KMT2D: variants seen among roughly 807,000 people sequenced by gnomAD.
KMT2D encodes the protein histone-lysine N-methyltransferase 2D.
In KMT2D, 55 loss-of-function variants were observed where a neutral mutation model predicts 512.7. The observed-to-expected ratio is 0.11, with a 90% CI of 0.09 to 0.13. KMT2D has a LOEUF of 0.13. Among genes scored for constraint, KMT2D ranks in the 10% least tolerant of loss-of-function variants. The pLI is 1.00. For missense variants in KMT2D, 6,061 were observed against 7,127.9 expected (o/e 0.85, Z 5.39); for synonymous variants, 2,995 against 2,904.0 (o/e 1.03, Z -1.01).
rs1942231079 is a variant in KMT2D, at chr12:49,020,037, C to G, written c.*1743G>C. 4.9e-6 allele frequency: 1 copy of G among 203,648 alleles called. No individual in the cohort carries two copies. The highest frequency in any genetic ancestry group is 1.0e-5 in the Non-Finnish European group (1 of 98,872). The allele number at this position is 203,648 out of a possible 1,614,324, so 12.6% of individuals were successfully genotyped here. A position where few individuals can be genotyped will look rare whatever the true frequency, so the allele number is the denominator to read the frequency against. Reference sequence around the variant, plus strand: ...CATATAAGCTTCATCTTCATCCCCACGGTTCCCTACCAGAGAGGGGTTTGG... The same window carrying G: ...CATATAAGCTTCATCTTCATCCCCAGGGTTCCCTACCAGAGAGGGGTTTGG... On this transcript the variant is annotated 3_prime_UTR_variant, in exon 55 of 55. Transcript: ENST00000301067.
intron 46 of KMT2D, 108 bp downstream of exon 46, chr12:49,028,719 GT>G: frequency 7.2e-7 from 1 of 1,385,040 alleles, no homozygotes; most frequent in Non-Finnish European, 9.9e-7. Context: ...CATACAATAG[GT>G]ACTCAGTACA....
rs183914528 is a variant in KMT2D, at chr12:49,023,011, G to A, written c.16053-136C>T. On this transcript the variant is annotated intron_variant, in intron 51 of 54. Transcript: ENST00000301067. ...GCTGCTGGCAAGCACTGGAAGTGCAGCCTTGGGAAAGGAGTAGAGGCAACT... is the reference window on the plus strand; with the variant it reads ...GCTGCTGGCAAGCACTGGAAGTGCAACCTTGGGAAAGGAGTAGAGGCAACT... 1,637 of 989,074 alleles carry A rather than the reference G, an allele frequency of 1.7e-3. 27 individuals carry two copies. The South Asian group carries it at 0.023, about 14-fold the overall frequency. The allele number at this position is 989,074 out of a possible 1,614,324, so 61.3% of individuals were successfully genotyped here.
At position 49,050,727 on chromosome 12, in the gene KMT2D, A is replaced by C. The variant is rs1047759100; in HGVS notation, c.2861T>G (p.Leu954Trp). 7 of 1,613,346 alleles carry C rather than the reference A, an allele frequency of 4.3e-6. No homozygotes were observed. Among genetic ancestry groups the C allele is most frequent in the Non-Finnish European group, 5.1e-6 (6 of 1,179,656 alleles). Residue 954 changes from leucine (L) to tryptophan (W), a missense_variant, in exon 12 of 55, where the codon TTG becomes TGG. Transcript: ENST00000301067. ...TAAAPPALSP[L>W]GELEYPFGAK... Reference sequence around the variant, plus strand: ...ACCAAAGGGGTACTCTAACTCCCCCAAAGGAGACAGGGCCGGTGGGGCCGC... The same window carrying C: ...ACCAAAGGGGTACTCTAACTCCCCCCAAGGAGACAGGGCCGGTGGGGCCGC...
intron 1 of KMT2D, among the ~76,000 whole-genome samples, chr12:49,058,817 CAA>C (rs1406962932): frequency 1.3e-5 from 2 of 152,152 alleles, no homozygotes; most frequent in African/African-American, 4.8e-5. Context: ...CGGGAGAAGG[CAA>C]AAGACAAAAG....
At position 49,032,088 on chromosome 12, in the gene KMT2D, G is replaced by A. The variant is rs1430951003; in HGVS notation, c.12617C>T (p.Ala4206Val). 1.2e-6 allele frequency: 2 copies of A among 1,613,808 alleles called. No individual in the cohort carries two copies. ...TAAGTGCCGCAGCTGTGGGTTTTTG[G>A]CCAGGACTCCTTGGAGCTGTGCTCG... ...QLRAQLQGVL[A>V]KNPQLRHLSP... The change falls in exon 40 of 55, where the codon GCC (alanine) becomes GTC (valine). Residue 4206 changes from alanine to valine, a missense_variant. Around this residue, in one of 16 missense-constraint regions of KMT2D, gnomAD observed 1,600 missense variants for 1,754.9 expected, o/e 0.91. Transcript: ENST00000301067.
At position 49,059,976 on chromosome 12, in the gene KMT2D, C is replaced by G. The variant is rs971821752; in HGVS notation, c.-401G>C. Among the ~76,000 whole-genome samples, 1 of 151,760 alleles carries G rather than the reference C, an allele frequency of 6.6e-6. No individual in the cohort carries two copies. Among genetic ancestry groups the G allele is most frequent in the African/African-American group, 2.4e-5 (1 of 41,466 alleles). On this transcript the variant is annotated 5_prime_UTR_variant, in exon 1 of 55. Coordinates refer to ENST00000301067, the MANE Select transcript of KMT2D (RefSeq NM_003482.4). ...GGGCCCGGCCAGCGCCCCGGCCGCC[C>G]GCGCCGGGCTCGGGCGGAACGTCGA...
rs367724004 is a variant in KMT2D at position 49,050,560 on chromosome 12, C to T, written c.3028G>A (p.Gly1010Arg). Reference protein sequence around the residue: ...ILPPSPGSPVGPASPILMEPL... With the variant: ...ILPPSPGSPVRPASPILMEPL... ...TCCATCAGGATGGGAGAAGCCGGCC[C>T]CACTGGGGAGCCTGGAGATGGGGGA... The change falls in exon 12 of 55, where the codon GGG (glycine) becomes AGG (arginine). Residue 1010 changes from glycine (G) to arginine (R), a missense_variant. Coordinates refer to ENST00000301067, the MANE Select transcript of KMT2D (RefSeq NM_003482.4). 55 of 1,603,912 alleles carry T rather than the reference C, an allele frequency of 3.4e-5. No individual in the cohort carries two copies. The African/African-American group carries it at 5.4e-4, about 16-fold the overall frequency.
Position 49,028,032 on chromosome 12 carries a change from T to C in KMT2D, c.14492A>G (p.Lys4831Arg), listed in dbSNP as rs1274331005. ...ACCAGGACCCTCAGCTTCCCCCTTCTTTGGCTCAGTGCCTGCCCGGGCGGG... is the reference window on the plus strand; with the variant it reads ...ACCAGGACCCTCAGCTTCCCCCTTCCTTGGCTCAGTGCCTGCCCGGGCGGG... ...ESPARAGTEP[K>R]KGEAEGPGGK... Residue 4831 changes from lysine (K) to arginine (R), a missense_variant, in exon 47 of 55, where the codon AAG (lysine) becomes AGG (arginine). Around this residue, in one of 16 missense-constraint regions of KMT2D, gnomAD observed 1,600 missense variants for 1,754.9 expected, o/e 0.91. Transcript: ENST00000301067. 2.5e-6 allele frequency: 4 copies of C among 1,613,898 alleles called. No homozygotes were observed. The East Asian group carries it at 8.9e-5, about 36-fold the overall frequency.
Position 49,033,723 on chromosome 12 carries a change from C to A in KMT2D, c.10982G>T (p.Gly3661Val). Residue 3661 changes from glycine (G) to valine (V), a missense_variant, in exon 40 of 55, where the codon GGT becomes GTT. By Grantham distance (109) the Gly-to-Val change is moderately radical (BLOSUM62 -3). Around this residue, in one of 16 missense-constraint regions of KMT2D, gnomAD observed 1,600 missense variants for 1,754.9 expected, o/e 0.91. Coordinates refer to ENST00000301067, the MANE Select transcript of KMT2D (RefSeq NM_003482.4). ...QAGGLRLTPG[G>V]MALPGQPGGP... Reference sequence around the variant, plus strand: ...ACCAGGCTGTCCAGGTAGTGCCATACCCCCAGGGGTCAGGCGAAGACCTCC... The same window carrying A: ...ACCAGGCTGTCCAGGTAGTGCCATAACCCCAGGGGTCAGGCGAAGACCTCC... 9.9e-6 allele frequency: 16 copies of A among 1,613,570 alleles called. No homozygotes were observed. The highest frequency in any genetic ancestry group is 1.4e-5 in the Non-Finnish European group (16 of 1,179,854).
rs1311346809 is a variant in KMT2D, at chr12:49,054,004, T to A, written c.647A>T (p.Glu216Val). 2 of 1,613,794 alleles carry A rather than the reference T, an allele frequency of 1.2e-6. No individual in the cohort carries two copies. Among genetic ancestry groups the A allele is most frequent in the Non-Finnish European group, 1.7e-6 (2 of 1,179,888 alleles). The change falls in exon 6 of 55, where the codon GAG (glutamate) becomes GTG (valine). Residue 216 changes from glutamate (E) to valine (V), a missense_variant. Coordinates refer to ENST00000301067, the MANE Select transcript of KMT2D (RefSeq NM_003482.4). This position sits in a 1 kb window ranked among gnomAD's most constrained non-coding sequence, Gnocchi z 6.4. ...CAGATATGCAGCCCCCTCACTGTGC[T>A]CTGGGCATAGCAGCTGCAGTGTTTT... ...SMKTLQLLCPEHSEGAAYLEE... is the reference protein window; with the variant it reads ...SMKTLQLLCPVHSEGAAYLEE...
chr12:49,029,321 A>G, intron 44 of KMT2D, 80 bp downstream of exon 44: 9 of 1,585,320 alleles, frequency 5.7e-6, no homozygotes, highest in Non-Finnish European at 6.9e-6. Context: ...CTTACTTGAA[A>G]TCTCCATTGG....
In KMT2D at chr12:49,042,747, G is replaced by A; in HGVS notation, c.5776C>T (p.Leu1926Phe). The A allele has an allele frequency of 1.9e-6, 3 of 1,613,446 alleles. No homozygotes were observed. Among genetic ancestry groups the A allele is most frequent in the Non-Finnish European group, 2.5e-6 (3 of 1,179,536 alleles). ...CCACTCCCACCTGTATTACCTTGAA[G>A]AAAGGGCCTCTGCAGTGGCGTACGG... ...GSRTPLQRPFLQGGLPLGNLP... is the reference protein window; with the variant it reads ...GSRTPLQRPFFQGGLPLGNLP... Residue 1926 changes from leucine (L) to phenylalanine (F), a missense_variant, in exon 27 of 55, where the codon CTT (leucine) becomes TTT (phenylalanine). Physicochemically the swap from Leu to Phe is conservative, Grantham distance 22. Around this residue, in one of 16 missense-constraint regions of KMT2D, gnomAD observed 640 missense variants for 814.3 expected, o/e 0.79. Coordinates refer to ENST00000301067, the MANE Select transcript of KMT2D (RefSeq NM_003482.4). The surrounding 1 kb of genome is among the most constrained non-coding windows in gnomAD (Gnocchi z 4.4).
chr12:49,028,742 G>A (rs1393159720), intron 46 of KMT2D, 86 bp downstream of exon 46: 27 of 1,547,828 alleles, frequency 1.7e-5, no homozygotes, highest in African/African-American at 2.7e-5. Flanking sequence ...GTGCTTGAAC[G>A]ACTACATTTT....
rs745842900 is a variant in KMT2D at position 49,026,961 on chromosome 12, C to A, written c.15005G>T (p.Arg5002Leu). 6.2e-7 allele frequency: 1 copy of A among 1,614,014 alleles called. No individual in the cohort carries two copies. Among genetic ancestry groups the A allele is most frequent in the African/African-American group, 1.3e-5 (1 of 75,062 alleles). The change falls in exon 49 of 55, where the codon CGG becomes CTG. Residue 5002 changes from arginine (R) to leucine (L), a missense_variant. Physicochemically the swap from Arg to Leu is moderately radical, Grantham distance 102. Around this residue, in one of 16 missense-constraint regions of KMT2D, gnomAD observed 1,600 missense variants for 1,754.9 expected, o/e 0.91. Transcript: ENST00000301067. The surrounding 1 kb of genome is among the most constrained non-coding windows in gnomAD (Gnocchi z 9.6). ...LLLTIQKGSG[R>L]QEDEREVAEF... is the part of the protein sequence containing the mutation. ...TGCCACTTCCCGCTCATCCTCCTGC[C>A]GCCCACTGCCCTTCTGGATGGTCAG...
intron 35 of KMT2D, chr12:49,035,646 G>A (rs1285338178): frequency 6.6e-6 from 1 of 152,168 alleles, no homozygotes; most frequent in Non-Finnish European, 1.5e-5. Context: ...TGCAACCTCT[G>A]CTTCCTGGGT....
rs1942228152 is a variant in KMT2D at position 49,019,965 on chromosome 12, T to C, written c.*1815A>G. ...ACTCCAGACATCTGATTCTTGAAAA[T>C]ATTAATTACAAAATGCCCTTTGCCC... is the stretch of plus-strand genomic sequence containing the variant. On this transcript the variant is annotated 3_prime_UTR_variant, in exon 55 of 55. Coordinates refer to ENST00000301067, the MANE Select transcript of KMT2D (RefSeq NM_003482.4). 4.5e-6 allele frequency: 1 copy of C among 222,264 alleles called. No homozygotes were observed. The highest frequency in any genetic ancestry group is 8.9e-6 in the Non-Finnish European group (1 of 111,822). The allele number at this position is 222,264 out of a possible 1,614,324, so 13.8% of individuals were successfully genotyped here.
chr12:49,045,786 G>A, intron 19 of KMT2D, 134 bp downstream of exon 19: 1 of 790,488 alleles, frequency 1.3e-6, no homozygotes, highest in Non-Finnish European at 2.2e-6. Flanking sequence ...GGTGACCTTG[G>A]GCAGGCCACT....
In KMT2D at chr12:49,033,881, T is replaced by TTGCTGC; in HGVS notation, c.10818_10823dup (p.Gln3611_Gln3612dup). The TTGCTGC allele has an allele frequency of 1.3e-6, 2 of 1,539,356 alleles. No homozygotes were observed. The highest frequency in any genetic ancestry group is 1.8e-6 in the Non-Finnish European group (2 of 1,137,578). On this transcript the variant is annotated inframe_insertion, in exon 40 of 55. Transcript: ENST00000301067. ...GCACAGCTGAGTGCTGTTGCTGTTG[T>TTGCTGC]TGCTGCTGCTGCTGCTGTTGTTGCT... is the stretch of plus-strand genomic sequence containing the variant.
At position 49,046,844 on chromosome 12, in the gene KMT2D, T is replaced by A. The variant is rs2120613893; in HGVS notation, c.4237-54A>T. The A allele has an allele frequency of 6.6e-7, 1 of 1,507,500 alleles. No individual in the cohort carries two copies. Among genetic ancestry groups the A allele is most frequent in the East Asian group, 2.3e-5 (1 of 43,088 alleles). The allele number at this position is 1,507,500 out of a possible 1,614,324, so 93.4% of individuals were successfully genotyped here. A position where few individuals can be genotyped will look rare whatever the true frequency, so the allele number is the denominator to read the frequency against. On this transcript the variant is annotated intron_variant, in intron 15 of 54. Transcript: ENST00000301067. This position sits in a 1 kb window ranked among gnomAD's most constrained non-coding sequence, Gnocchi z 4.2. ...GTGTGAGGTGGAAAAGAGGTAGAAC[T>A]TCTTTTTATTTTTTTTTGGAGATGG... is the stretch of plus-strand genomic sequence containing the variant.
Sources: allele counts gnomAD v4.1 joint callset (sites outside exome capture counted in the v4.1 genomes callset), GRCh38; gene constraint gnomAD v4.1.1; regional missense constraint gnomAD v4.1.1; non-coding constraint Gnocchi (gnomAD v3.1); transcripts MANE v1.5; gene names NCBI Gene and HGNC (gene_info 2026-07-23, HGNC 2026-07-21).